EGFR: variants seen among roughly 807,000 people sequenced by gnomAD.
The protein encoded by EGFR is epidermal growth factor receptor.
EGFR carries 58 observed loss-of-function variants against 143.0 expected under a neutral mutation model. That is an observed-to-expected ratio of 0.41 (90% CI 0.33 to 0.50). The LOEUF is 0.50. Among genes scored for constraint, EGFR ranks in the 20% least tolerant of loss-of-function variants. EGFR has a pLI of 0.39. For missense variants in EGFR, 1,307 were observed against 1,579.0 expected (o/e 0.83, Z 2.92); for synonymous variants, 613 against 594.4 (o/e 1.03, Z -0.45).
chr7:55,160,460 T>A, intron 12 of EGFR, 122 bp downstream of exon 12: 2 of 1,069,038 alleles, frequency 1.9e-6, no homozygotes, highest in Non-Finnish European at 2.7e-6. Context: ...AGAAGCAAAT[T>A]AAAATCTTAA....
At chr7:55,168,581 T>C (rs1786187723) in intron 15 of EGFR, 3 of 1,611,694 alleles carry the variant, frequency 1.9e-6, no homozygotes, top group Non-Finnish European at 2.5e-6. Context: ...ATTTCCTTTC[T>C]ACAATTTCAA....
intron 20 of EGFR, among the ~76,000 whole-genome samples, chr7:55,190,607 G>A (rs17290510): frequency 0.017 from 2,653 of 152,218 alleles, 71 homozygotes; most frequent in African/African-American, 0.056. Context: ...CCTCCATACA[G>A]GAGCGGCAGA....
Position 55,079,533 on chromosome 7 carries a change from G to C in EGFR, c.88+60168G>C, listed in dbSNP as rs376530945. On this transcript the variant is annotated intron_variant, in intron 1 of 27. Transcript: ENST00000275493. ...GATGGTTGAGACAGGCACGCACTGG[G>C]TCTTGTCTGCATTTACATTTTGAGA... is the stretch of plus-strand genomic sequence containing the variant. 3.9e-5 allele frequency among the ~76,000 whole-genome samples: 6 copies of C among 152,280 alleles called. No individual in the cohort carries two copies. The East Asian group carries it at 1.2e-3, about 29-fold the overall frequency.
chr7:55,147,937 C>T (rs1584156143), intron 4 of EGFR, among the ~76,000 whole-genome samples: 1 of 152,324 alleles, frequency 6.6e-6, no homozygotes, highest in East Asian at 1.9e-4. Flanking sequence ...AAGGTTTATC[C>T]ATGCTGTAGC....
chr7:55,063,849 C>T (rs1202812428), intron 1 of EGFR, among the ~76,000 whole-genome samples: 1 of 152,204 alleles, frequency 6.6e-6, no homozygotes, highest in Admixed American at 6.5e-5. Context: ...GCCAGCTGCT[C>T]ACTTCTGAAA....
At chr7:55,188,294 G>A (rs753874546) in intron 20 of EGFR, among the ~76,000 whole-genome samples, 29 of 151,926 alleles carry the variant, frequency 1.9e-4, no homozygotes, top group Non-Finnish European at 3.1e-4. Flanking sequence ...TCCAGTTCCC[G>A]CCTCTCACTC....
chr7:55,167,407 G>A (rs1786099779), intron 15 of EGFR, among the ~76,000 whole-genome samples: 1 of 145,404 alleles, frequency 6.9e-6, no homozygotes, highest in Non-Finnish European at 1.5e-5. Context: ...CACAGTGGTG[G>A]TGGTGATGAG....
chr7:55,159,171 G>A (rs1164823436), intron 11 of EGFR, among the ~76,000 whole-genome samples: 2 of 152,174 alleles, frequency 1.3e-5, no homozygotes, highest in East Asian at 1.9e-4. Flanking sequence ...TCGTGGTCCT[G>A]TAGGGGCTAG....
At chr7:55,093,154 C>A (rs1209336175) in intron 1 of EGFR, among the ~76,000 whole-genome samples, 2 of 152,202 alleles carry the variant, frequency 1.3e-5, no homozygotes, top group South Asian at 4.1e-4. Context: ...AAAATATGAG[C>A]TCAGGGGTCC....
intron 1 of EGFR, among the ~76,000 whole-genome samples, chr7:55,099,531 G>A (rs556594538): frequency 5.9e-5 from 9 of 152,286 alleles, no homozygotes; most frequent in East Asian, 3.9e-4. Context: ...GGGGGAATTC[G>A]GGAGCTGGTT....
chr7:55,174,586 C>T (rs1786506688), intron 18 of EGFR, 136 bp from the exon 19 acceptor site: 4 of 780,296 alleles, frequency 5.1e-6, no homozygotes, highest in East Asian at 2.6e-5. Context: ...CAATATCAGC[C>T]TTAGGTGCGG....
intron 19 of EGFR, among the ~76,000 whole-genome samples, chr7:55,177,014 G>A (rs1295384054): frequency 6.6e-6 from 1 of 151,586 alleles, no homozygotes; most frequent in East Asian, 1.9e-4. Flanking sequence ...TTGGCCTCCT[G>A]CTTGTCCTGT....
chr7:55,049,317 G>A (rs1457319465), intron 1 of EGFR, among the ~76,000 whole-genome samples: 1 of 152,094 alleles, frequency 6.6e-6, no homozygotes, highest in African/African-American at 2.4e-5. Context: ...TGAAATGACC[G>A]TAATCTCCTG....
intron 1 of EGFR, among the ~76,000 whole-genome samples, chr7:55,056,587 A>G (rs1788837594): frequency 6.6e-6 from 1 of 152,190 alleles, no homozygotes. Context: ...GTGTGGAAAA[A>G]TATAATTTCA....
intron 22 of EGFR, among the ~76,000 whole-genome samples, chr7:55,196,725 A>G (rs780681043): frequency 1.3e-5 from 2 of 149,738 alleles, no homozygotes; most frequent in Non-Finnish European, 3.0e-5. Flanking sequence ...TCCAGTTTCA[A>G]TCTTCTTCAT....
intron 1 of EGFR, among the ~76,000 whole-genome samples, chr7:55,098,675 C>A (rs3778866): frequency 0.36 from 54,040 of 151,996 alleles, 10,226 homozygotes; most frequent in East Asian, 0.69. Context: ...CTTCAAAGAA[C>A]AAGTTACTCC....
intron 15 of EGFR, among the ~76,000 whole-genome samples, chr7:55,168,268 TC>T (rs1405244554): frequency 3.3e-5 from 5 of 152,238 alleles, no homozygotes; most frequent in East Asian, 1.9e-4. Context: ...TGTTTTATCT[TC>T]CCCCTTTTCT....
intron 1 of EGFR, among the ~76,000 whole-genome samples, chr7:55,087,289 A>AAAAC (rs1176436599): frequency 6.6e-6 from 1 of 151,546 alleles, no homozygotes; most frequent in Non-Finnish European, 1.5e-5. Context: ...AAAAACAAAA[A>AAAAC]AAAAAAAACC....
rs369580836 is a variant in EGFR, at chr7:55,142,409, A to G, written c.212A>G (p.Gln71Arg). 26 of 1,614,096 alleles carry G rather than the reference A, an allele frequency of 1.6e-5. No homozygotes were observed. In the African/African-American group the frequency reaches 2.7e-4, roughly 17 times the overall value. The change falls in exon 2 of 28, where the codon CAG (glutamine) becomes CGG (arginine). Residue 71 changes from glutamine (Q) to arginine (R), a missense_variant. By Grantham distance (43) the Gln-to-Arg change is conservative. Transcript: ENST00000275493. Reference sequence around the variant, plus strand: ...GGGAATTTGGAAATTACCTATGTGCAGAGGAATTATGATCTTTCCTTCTTA... The same window carrying G: ...GGGAATTTGGAAATTACCTATGTGCGGAGGAATTATGATCTTTCCTTCTTA... ...VLGNLEITYV[Q>R]RNYDLSFLKT... is the part of the protein sequence containing the mutation.
Sources: gnomAD v4.1 joint callset for allele counts (sites outside exome capture counted in the v4.1 genomes callset) on GRCh38, gnomAD v4.1.1 for gene constraint, MANE v1.5 for transcripts, NCBI Gene and HGNC (gene_info 2026-07-23, HGNC 2026-07-21) for gene names.